Variants in POC1B observed in about 807,000 individuals in gnomAD.
POC1B encodes the protein POC1 centriolar protein B.
POC1B carries 44 observed loss-of-function variants against 60.6 expected under a neutral mutation model. That is an observed-to-expected ratio of 0.73 (90% CI 0.57 to 0.93). The LOEUF is 0.93. Ranked by LOEUF, POC1B falls within the 40% of genes least tolerant of loss-of-function variation. POC1B has a pLI of 0.00. For missense variants in POC1B, 555 were observed against 572.3 expected (o/e 0.97, Z 0.31); for synonymous variants, 180 against 198.9 (o/e 0.90, Z 0.80).
At chr12:89,488,575 C>T (rs769968822) in intron 4 of POC1B, among the ~76,000 whole-genome samples, 1 of 152,130 alleles carries the variant, frequency 6.6e-6, no homozygotes, top group Non-Finnish European at 1.5e-5. Flanking sequence ...GCAATCTCTG[C>T]TCCCAAGTTC....
At chr12:89,445,918 A>T (rs967553763) in intron 10 of POC1B, among the ~76,000 whole-genome samples, 1 of 152,210 alleles carries the variant, frequency 6.6e-6, no homozygotes, top group African/African-American at 2.4e-5. Flanking sequence ...CAAGAAAAAA[A>T]CAACCCAATC....
At chr12:89,439,312 T>A (rs531183628) in intron 10 of POC1B, among the ~76,000 whole-genome samples, 1 of 152,290 alleles carries the variant, frequency 6.6e-6, no homozygotes, top group East Asian at 1.9e-4. Flanking sequence ...TTACAGGTCC[T>A]AAAGTAACAC....
At chr12:89,475,910 CTTTTTTTT>C (rs972058107) in intron 4 of POC1B, among the ~76,000 whole-genome samples, 4 of 86,142 alleles carry the variant, frequency 4.6e-5, no homozygotes, top group African/African-American at 1.9e-4. Context: ...TGAGGGAATT[CTTTTTTTT>C]TTTTTTTTTT....
the POC1B span, among the ~76,000 whole-genome samples, chr12:89,405,564 A>G: frequency 2.0e-5 from 3 of 152,256 alleles, no homozygotes; most frequent in African/African-American, 7.2e-5. Context: ...AATATCTGAA[A>G]AAAAGTAAAT....
intron 4 of POC1B, among the ~76,000 whole-genome samples, chr12:89,474,841 G>A (rs916642588): frequency 3.9e-5 from 6 of 152,182 alleles, no homozygotes; most frequent in African/African-American, 1.4e-4. Context: ...GTGCTGTTAG[G>A]AGGCTATACA....
rs770171340 is a variant in POC1B at position 89,467,597 on chromosome 12, G to C, written c.879+20C>G. 2.5e-5 allele frequency: 39 copies of C among 1,591,616 alleles called. No individual in the cohort carries two copies. Among genetic ancestry groups the C allele is most frequent in the Non-Finnish European group, 3.3e-5 (38 of 1,161,532 alleles). ...CCTTTACCTTAACCAAATCAAAGAG[G>C]AGCTGAAAGATTTACAAACCTGTGT... On this transcript the variant is annotated intron_variant, in intron 8 of 11. Transcript: ENST00000313546.
At chr12:89,471,551 A>G in intron 6 of POC1B, 63 bp downstream of exon 6, 1 of 1,301,542 alleles carries the variant, frequency 7.7e-7, no homozygotes, top group Admixed American at 1.7e-5. Context: ...ACCAACAAGG[A>G]GAATCAGTCC....
chr12:89,467,937 C>A (rs1459033434), intron 7 of POC1B, among the ~76,000 whole-genome samples: 1 of 152,128 alleles, frequency 6.6e-6, no homozygotes, highest in African/African-American at 2.4e-5. Flanking sequence ...TAACTTTTTT[C>A]TCCTTTCAAG....
intron 8 of POC1B, 101 bp from the exon 9 acceptor site, chr12:89,467,023 G>A: frequency 1.1e-6 from 1 of 884,678 alleles, no homozygotes; most frequent in South Asian, 2.3e-5. Context: ...TCCCAAAGTA[G>A]GAAGGGTAGA....
Position 89,421,058 on chromosome 12 carries a change from G to T in POC1B, c.*95C>A. On this transcript the variant is annotated 3_prime_UTR_variant, in exon 12 of 12. Transcript: ENST00000313546. ...ATGCCATGATAAATAGCACATGGTT[G>T]TGTTGTATGGAGTATCTTGTACTAC... 1 of 892,136 alleles carries T rather than the reference G, an allele frequency of 1.1e-6. No homozygotes were observed. The highest frequency in any genetic ancestry group is 1.7e-6 in the Non-Finnish European group (1 of 593,652). 55.3% of individuals were successfully genotyped at this position (892,136 alleles called of 1,614,324 possible).
Position 89,482,873 on chromosome 12 carries a change from G to A in POC1B, c.452+9063C>T, listed in dbSNP as rs541245308. Among the ~76,000 whole-genome samples the A allele has an allele frequency of 7.2e-5, 11 of 152,128 alleles. No individual in the cohort carries two copies. The South Asian group carries it at 2.3e-3, about 32-fold the overall frequency. On this transcript the variant is annotated intron_variant, in intron 4 of 11. Transcript: ENST00000313546. The stretch of plus-strand genomic sequence containing the variant: ...CCCATAATCCTCACTTGTCATGGGA[G>A]GGACCTGGTGGGAGGTAATTGAATC...
downstream of POC1B, among the ~76,000 whole-genome samples, chr12:89,416,098 C>T (rs1164668002): frequency 3.3e-5 from 5 of 152,176 alleles, no homozygotes; most frequent in Non-Finnish European, 7.3e-5. Flanking sequence ...AATTGTTGAG[C>T]TCCTCCTATG....
intron 2 of POC1B, chr12:89,523,566 G>A (rs775523802): frequency 4.4e-6 from 7 of 1,594,052 alleles, no homozygotes; most frequent in South Asian, 1.2e-5. Context: ...CCATTCCTGT[G>A]TCATACGTTC....
At chr12:89,523,543 C>A in intron 2 of POC1B, 1 of 1,601,424 alleles carries the variant, frequency 6.2e-7, no homozygotes, top group Non-Finnish European at 8.5e-7. Flanking sequence ...AAGGTTTTCA[C>A]CTCCCCACAC....
the POC1B span, among the ~76,000 whole-genome samples, chr12:89,408,246 G>GCTTTGCT: frequency 1.3e-5 from 2 of 152,134 alleles, no homozygotes; most frequent in African/African-American, 4.8e-5. Context: ...TTGCTATTGT[G>GCTTTGCT]AATAGTGCTG....
At chr12:89,525,069 G>A (rs1359291078) in intron 2 of POC1B, 51 bp downstream of exon 2, 1 of 1,611,026 alleles carries the variant, frequency 6.2e-7, no homozygotes, top group Admixed American at 1.7e-5. Flanking sequence ...AAAGGTTTCC[G>A]GCCCATGGAG....
At chr12:89,502,590 T>A in intron 2 of POC1B, 1 of 1,240,318 alleles carries the variant, frequency 8.1e-7, no homozygotes, top group Non-Finnish European at 1.2e-6. Context: ...CCAGCAATGG[T>A]AAAGGACCCA....
intron 3 of POC1B, among the ~76,000 whole-genome samples, chr12:89,493,466 G>T (rs1592625397): frequency 1.3e-5 from 2 of 152,242 alleles, no homozygotes; most frequent in South Asian, 4.1e-4. Context: ...AGGGAGGAAA[G>T]GTAACTTTAT....
In POC1B at chr12:89,447,602, AAT is replaced by A. The variant is rs1177241194; in HGVS notation, c.1113+12034_1113+12035del. Among the ~76,000 whole-genome samples the A allele has an allele frequency of 2.0e-5, 3 of 152,244 alleles. No individual in the cohort carries two copies. In the East Asian group the frequency reaches 5.8e-4, roughly 29 times the overall value. The stretch of plus-strand genomic sequence containing the variant: ...CTATTTAAAATAAGGAATTATTTTA[AAT>A]ATTTATCATCTTGAAATTTCATTAA... On this transcript the variant is annotated intron_variant, in intron 10 of 11. Transcript: ENST00000313546.
Sources: allele counts gnomAD v4.1 joint callset (sites outside exome capture counted in the v4.1 genomes callset), GRCh38; gene constraint gnomAD v4.1.1; transcripts MANE v1.5; gene names NCBI Gene and HGNC (gene_info 2026-07-23, HGNC 2026-07-21).